SNX9: variants seen among roughly 807,000 people sequenced by gnomAD.
SNX9 encodes the protein sorting nexin 9.
Under a neutral mutation model 89.4 loss-of-function variants are expected in SNX9, and 44 were observed. That is an observed-to-expected ratio of 0.49 (90% CI 0.39 to 0.63). The LOEUF is 0.63. Ranked by LOEUF, SNX9 falls within the 30% of genes least tolerant of loss-of-function variation. The probability of loss-of-function intolerance (pLI) is 0.00; values close to 1 mark genes in which losing one functional copy is unlikely to be tolerated. For synonymous variants in SNX9, 236 were observed against 247.8 expected (o/e 0.95, Z 0.45); for missense variants, 578 against 736.1 (o/e 0.79, Z 2.49).
intron 1 of SNX9, among the ~76,000 whole-genome samples, chr6:157,849,951 G>T (rs189899464): frequency 9.8e-5 from 15 of 152,318 alleles, no homozygotes; most frequent in African/African-American, 3.4e-4. Context: ...GGCAGGTGAC[G>T]TTGTCAGAGT....
intron 12 of SNX9, among the ~76,000 whole-genome samples, chr6:157,929,889 A>C (rs1015831284): frequency 2.6e-5 from 4 of 152,244 alleles, no homozygotes; most frequent in Non-Finnish European, 5.9e-5. Flanking sequence ...AAAGCCTTAC[A>C]TCAGGAGTCA....
intron 1 of SNX9, among the ~76,000 whole-genome samples, chr6:157,852,645 CA>C (rs1221536690): frequency 6.6e-6 from 1 of 152,132 alleles, no homozygotes; most frequent in African/African-American, 2.4e-5. Flanking sequence ...GTGGCGTAAT[CA>C]CAGCTCACTG....
intron 1 of SNX9, among the ~76,000 whole-genome samples, chr6:157,858,801 T>A (rs894913569): frequency 6.6e-6 from 1 of 152,118 alleles, no homozygotes; most frequent in African/African-American, 2.4e-5. Context: ...AGAGAGCTTG[T>A]GCAGGGGGAC....
At chr6:157,911,520 T>C (rs1253274087) in intron 9 of SNX9, among the ~76,000 whole-genome samples, 1 of 152,234 alleles carries the variant, frequency 6.6e-6, no homozygotes, top group African/African-American at 2.4e-5. Context: ...CACGTGTTCC[T>C]GGACACTTCC....
intron 5 of SNX9, among the ~76,000 whole-genome samples, chr6:157,898,054 C>T (rs1783017187): frequency 1.3e-5 from 2 of 152,192 alleles, no homozygotes. Flanking sequence ...AAAAGATACA[C>T]CTTGCACACC....
intron 11 of SNX9, among the ~76,000 whole-genome samples, chr6:157,927,490 A>G (rs895241269): frequency 5.3e-5 from 8 of 152,290 alleles, no homozygotes; most frequent in African/African-American, 1.7e-4. Context: ...AGTGTGATGA[A>G]ACCAAGCGGC....
chr6:157,895,418 T>C (rs1213626837), intron 4 of SNX9, among the ~76,000 whole-genome samples: 2 of 152,168 alleles, frequency 1.3e-5, no homozygotes, highest in East Asian at 3.8e-4. Flanking sequence ...TTAGGATCCA[T>C]CTTAGTTGAT....
intron 1 of SNX9, among the ~76,000 whole-genome samples, chr6:157,862,080 A>G (rs1033910896): frequency 6.6e-6 from 1 of 152,150 alleles, no homozygotes; most frequent in African/African-American, 2.4e-5. Flanking sequence ...TAAAACTGAT[A>G]AATTGTTTAT....
chr6:157,898,155 C>T (rs756455189), intron 5 of SNX9, among the ~76,000 whole-genome samples: 1 of 152,220 alleles, frequency 6.6e-6, no homozygotes, highest in Non-Finnish European at 1.5e-5. Context: ...CACAATACCA[C>T]TCTGGGTCAT....
intron 1 of SNX9, among the ~76,000 whole-genome samples, chr6:157,858,801 T>C (rs894913569): frequency 7.2e-5 from 11 of 152,118 alleles, no homozygotes; most frequent in African/African-American, 2.7e-4. Flanking sequence ...AGAGAGCTTG[T>C]GCAGGGGGAC....
chr6:157,865,254 G>A (rs980336975), intron 1 of SNX9, among the ~76,000 whole-genome samples: 56 of 150,870 alleles, frequency 3.7e-4, no homozygotes, highest in African/African-American at 1.1e-3. Flanking sequence ...CAGGAGAATC[G>A]CTTGAACCCA....
chr6:157,887,524 G>T (rs1372026351), intron 4 of SNX9, among the ~76,000 whole-genome samples: 1 of 152,088 alleles, frequency 6.6e-6, no homozygotes, highest in Non-Finnish European at 1.5e-5. Context: ...GCTTTGTGTG[G>T]GTTTTCCATG....
In SNX9 at chr6:157,921,668, C is replaced by G. The variant is rs1783586509; in HGVS notation, c.1080+7C>G. On this transcript the variant is annotated splice_region_variant and intron_variant, in intron 10 of 17. Coordinates refer to ENST00000392185, the MANE Select transcript of SNX9 (RefSeq NM_016224.5). ...AAATTTCCGAGATGAGAAGGTAGGA[C>G]ATTGTGTTAATATGGCATCAGAGAA... 2 of 1,612,288 alleles carry G rather than the reference C, an allele frequency of 1.2e-6. No individual in the cohort carries two copies. Among genetic ancestry groups the G allele is most frequent in the African/African-American group, 2.7e-5 (2 of 74,842 alleles).
intron 4 of SNX9, chr6:157,885,166 T>C (rs1352717956): frequency 6.6e-6 from 1 of 152,226 alleles, no homozygotes; most frequent in Non-Finnish European, 1.5e-5. Flanking sequence ...GAAATTGACA[T>C]CTGTAGGTTC....
chr6:157,921,225 AC>A (rs1783575042), intron 9 of SNX9, among the ~76,000 whole-genome samples: 1 of 152,154 alleles, frequency 6.6e-6, no homozygotes, highest in Admixed American at 6.5e-5. Flanking sequence ...TTTTTTTAGT[AC>A]TTTAAGGATA....
rs780482456 is a variant in SNX9 at position 157,873,051 on chromosome 6, A to G, written c.100-51A>G. On this transcript the variant is annotated intron_variant, in intron 2 of 17. Transcript: ENST00000392185. ...TCCTCCACACAAAATTTCTCCAGGA[A>G]ATCTCAACTGTAATCTTTTTCTTTT... 10 of 1,462,434 alleles carry G rather than the reference A, an allele frequency of 6.8e-6. No homozygotes were observed. The African/African-American group carries it at 1.1e-4, about 17-fold the overall frequency. The allele number at this position is 1,462,434 out of a possible 1,614,324, so 90.6% of individuals were successfully genotyped here.
In SNX9 at chr6:157,823,664, G is replaced by A. The variant is rs1781283138; in HGVS notation, c.12+218G>A. Among the ~76,000 whole-genome samples the A allele has an allele frequency of 2.0e-5, 3 of 152,092 alleles. No individual in the cohort carries two copies. The highest frequency in any genetic ancestry group is 7.2e-5 in the African/African-American group (3 of 41,538). On this transcript the variant is annotated intron_variant, in intron 1 of 17. Transcript: ENST00000392185. The surrounding 1 kb of genome is among the most constrained non-coding windows in gnomAD (Gnocchi z 4.6). ...ACAGACCACCAGGATCGCACCGGGG[G>A]ACGGCGTCGGGTCTGGGCGCGGGTT...
At chr6:157,884,612 T>A (rs1370449636) in intron 4 of SNX9, among the ~76,000 whole-genome samples, 1 of 151,886 alleles carries the variant, frequency 6.6e-6, no homozygotes, top group Non-Finnish European at 1.5e-5. Flanking sequence ...CCCGTATGAA[T>A]TCTTTTTAGT....
chr6:157,845,441 C>T (rs1781790014), intron 1 of SNX9, among the ~76,000 whole-genome samples: 2 of 152,154 alleles, frequency 1.3e-5, no homozygotes, highest in African/African-American at 2.4e-5. Context: ...CTCACTTACA[C>T]TTATTTTGAC....
Sources: gnomAD v4.1 joint callset for allele counts (sites outside exome capture counted in the v4.1 genomes callset) on GRCh38, gnomAD v4.1.1 for gene constraint, Gnocchi (gnomAD v3.1) non-coding constraint, MANE v1.5 for transcripts, NCBI Gene and HGNC (gene_info 2026-07-23, HGNC 2026-07-21) for gene names.